The following AZIN2 variants were observed in gnomAD, a reference collection of about 807,000 sequenced individuals.
AZIN2 encodes ODC antizyme inhibitor-2.
A neutral mutation model predicts 47.8 loss-of-function variants in AZIN2; 28 were observed. That is an observed-to-expected ratio of 0.59 (90% CI 0.43 to 0.80). The LOEUF (loss-of-function observed/expected upper bound fraction) is 0.80, where lower values mean the gene tolerates loss of function less well. Ranked by LOEUF, AZIN2 falls within the 30% of genes least tolerant of loss-of-function variation. The pLI is 0.00. For synonymous variants in AZIN2, 221 were observed against 239.4 expected, an observed-to-expected ratio of 0.92 and a Z score of 0.71; for missense variants, 535 against 582.5, an observed-to-expected ratio of 0.92 and a Z score of 0.84.
At chr1:33,094,800 G>C in intron 8 of AZIN2, 87 bp downstream of exon 8, 1 of 1,440,840 alleles carries the variant, frequency 6.9e-7, no homozygotes, top group Non-Finnish European at 9.6e-7. Context: ...ACCACCGTGC[G>C]TGGGTCCTAT....
At chr1:33,090,070 T>G (rs1238278699) in intron 5 of AZIN2, among the ~76,000 whole-genome samples, 1 of 152,040 alleles carries the variant, frequency 6.6e-6, no homozygotes, top group Non-Finnish European at 1.5e-5. Context: ...AAAGTAGGGG[T>G]TGGCAAACTA....
chr1:33,087,825 A>C (rs1226059970), intron 5 of AZIN2, among the ~76,000 whole-genome samples: 2 of 152,168 alleles, frequency 1.3e-5, no homozygotes, highest in African/African-American at 2.4e-5. Flanking sequence ...ATGAAAGAGA[A>C]CACTGCTTCG....
Position 33,110,405 on chromosome 1 carries a change from G to A in AZIN2, c.1030-7497G>A, listed in dbSNP as rs182582877. ...GTCATCGTGAGGAAGAACCGCAAAA[G>A]CAATAGGTAGCAGATCAGACCTGCG... On this transcript the variant is annotated intron_variant, in intron 10 of 11. Transcript: ENST00000294517. 1.2e-4 allele frequency among the ~76,000 whole-genome samples: 19 copies of A among 152,312 alleles called. No homozygotes were observed. In the East Asian group the frequency reaches 3.7e-3, roughly 29 times the overall value.
At chr1:33,136,168 T>TTCCC in the AZIN2 span, among the ~76,000 whole-genome samples, 2 of 130,072 alleles carry the variant, frequency 1.5e-5, no homozygotes, top group Non-Finnish European at 3.3e-5. Context: ...CCTTCCTTCC[T>TTCCC]TCCTTCCCTC....
At chr1:33,117,430 C>T (rs572809558) in intron 10 of AZIN2, among the ~76,000 whole-genome samples, 4 of 152,172 alleles carry the variant, frequency 2.6e-5, no homozygotes, top group African/African-American at 4.8e-5. Context: ...GACATATCGA[C>T]GTCTGGAAAG....
chr1:33,082,735 G>C lies in AZIN2; in HGVS notation c.105+381G>C, dbSNP rs998165584. ...CTCTCCAAAGGCCCCCTGATCTCCC[G>C]GTCTCATGCCACCCCCTCCAAAGGT... On this transcript the variant is annotated intron_variant, in intron 4 of 11. Transcript: ENST00000294517. 27 of 184,270 alleles carry C rather than the reference G, an allele frequency of 1.5e-4. No homozygotes were observed. The East Asian group carries it at 4.5e-3, about 31-fold the overall frequency. The allele number at this position is 184,270 out of a possible 1,614,324, so 11.4% of individuals were successfully genotyped here.
At chr1:33,115,221 G>C (rs1425055195) in intron 10 of AZIN2, among the ~76,000 whole-genome samples, 1 of 152,180 alleles carries the variant, frequency 6.6e-6, no homozygotes, top group African/African-American at 2.4e-5. Context: ...AAGGTATGAA[G>C]TGGTGGTGGT....
intron 9 of AZIN2, 129 bp from the exon 10 acceptor site, chr1:33,097,938 T>C: frequency 1.5e-6 from 1 of 650,210 alleles, no homozygotes; most frequent in Non-Finnish European, 2.8e-6. Flanking sequence ...GCTTTTGTTG[T>C]AGGCCTCGCC....
chr1:33,117,664 C>G (rs954453356), intron 10 of AZIN2, among the ~76,000 whole-genome samples: 1 of 152,162 alleles, frequency 6.6e-6, no homozygotes, highest in Admixed American at 6.5e-5. Flanking sequence ...AAGCATTTTG[C>G]CCAAGGTCAC....
rs371239902 is a variant in AZIN2, at chr1:33,099,805, G to T, written c.1029+1626G>T. On this transcript the variant is annotated intron_variant, in intron 10 of 11. Transcript: ENST00000294517. ...GGCCACGTGAGCGCCTCCAGAGTGG[G>T]GCCCACAGCCTGGCGGTGGAATAAG... 4.6e-5 allele frequency among the ~76,000 whole-genome samples: 7 copies of T among 152,296 alleles called. No homozygotes were observed. The East Asian group carries it at 1.2e-3, about 25-fold the overall frequency.
At chr1:33,136,795 G>A in the AZIN2 span, among the ~76,000 whole-genome samples, 1 of 151,296 alleles carries the variant, frequency 6.6e-6, no homozygotes, top group Admixed American at 6.6e-5. Flanking sequence ...TCAGGAGTCC[G>A]AGACCAGCCT....
chr1:33,158,456 G>A, the AZIN2 span: 1 of 1,006,914 alleles, frequency 9.9e-7, no homozygotes, highest in Non-Finnish European at 1.6e-6. Flanking sequence ...CAGGGCAGCT[G>A]GCATAGGATG....
At chr1:33,109,727 T>G (rs1463940402) in intron 10 of AZIN2, among the ~76,000 whole-genome samples, 2 of 152,122 alleles carry the variant, frequency 1.3e-5, no homozygotes, top group African/African-American at 4.8e-5. Context: ...GTGTGTTCTA[T>G]TCTTTTTTTT....
chr1:33,086,644 C>T (rs548946190), intron 5 of AZIN2, among the ~76,000 whole-genome samples: 1 of 152,322 alleles, frequency 6.6e-6, no homozygotes, highest in Admixed American at 6.5e-5. Context: ...GACAGACATG[C>T]GTTGGACGGG....
the AZIN2 span, chr1:33,163,485 A>G: frequency 6.6e-6 from 1 of 152,276 alleles, no homozygotes; most frequent in Admixed American, 6.5e-5. Context: ...CTCAGCACAG[A>G]GAAAAGTTCT....
At chr1:33,118,243 C>T (rs924105516) in intron 11 of AZIN2, 127 bp downstream of exon 11, 33 of 1,065,958 alleles carry the variant, frequency 3.1e-5, no homozygotes, top group Middle Eastern at 3.1e-4. Context: ...GCTGGTCCCA[C>T]GTGAGGGATG....
rs1251903664 is a variant in AZIN2, at chr1:33,113,365, A to G, written c.1030-4537A>G. Among the ~76,000 whole-genome samples, 3 of 152,310 alleles carry G rather than the reference A, an allele frequency of 2.0e-5. No individual in the cohort carries two copies. Among genetic ancestry groups the G allele is most frequent in the South Asian group, 4.1e-4 (2 of 4,832 alleles). ...GCTTAATGCTTTCACTACTATTGTG[A>G]GTGAAAACTTTTCCCTGTGTTTTTG... is the stretch of plus-strand genomic sequence containing the variant. On this transcript the variant is annotated intron_variant, in intron 10 of 11. Coordinates refer to ENST00000294517, the MANE Select transcript of AZIN2 (RefSeq NM_052998.4). The surrounding 1 kb of genome is among the most constrained non-coding windows in gnomAD (Gnocchi z 4.1).
At chr1:33,111,265 T>G (rs74066246) in intron 10 of AZIN2, among the ~76,000 whole-genome samples, 2,900 of 152,364 alleles carry the variant, frequency 0.019, 77 homozygotes, top group East Asian at 0.08. Context: ...GTTGCTTCTT[T>G]TTTTGAAGTG....
At chr1:33,144,769 G>C in the AZIN2 span, among the ~76,000 whole-genome samples, 1 of 152,112 alleles carries the variant, frequency 6.6e-6, no homozygotes, top group African/African-American at 2.4e-5. Context: ...ACCTCAGGAT[G>C]GTCCTGGTCT....
Sources: gnomAD v4.1 joint callset for allele counts (sites outside exome capture counted in the v4.1 genomes callset) on GRCh38, gnomAD v4.1.1 for gene constraint, Gnocchi (gnomAD v3.1) non-coding constraint, MANE v1.5 for transcripts, NCBI Gene and HGNC (gene_info 2026-07-23, HGNC 2026-07-21) for gene names.